Variants in ACTN1 observed in about 807,000 individuals in gnomAD.
ACTN1 encodes actinin alpha 1, also known as alpha-actinin-1.
ACTN1 carries 30 observed loss-of-function variants against 119.6 expected under a neutral mutation model. The observed-to-expected ratio is 0.25, with a 90% CI of 0.19 to 0.34. The LOEUF is 0.34. Ranked by LOEUF, ACTN1 falls within the 10% of genes least tolerant of loss-of-function variation. The probability of loss-of-function intolerance (pLI) is 1.00; values close to 1 mark genes in which losing one functional copy is unlikely to be tolerated. For synonymous variants in ACTN1, 429 were observed against 472.6 expected, an observed-to-expected ratio of 0.91 and a Z score of 1.20; for missense variants, 764 against 1,223.4, an observed-to-expected ratio of 0.62 and a Z score of 5.60.
chr14:68,978,921 G>GGGGCTGGGGGCTGC, intron 1 of ACTN1, 31 bp downstream of exon 1: 2 of 1,457,818 alleles, frequency 1.4e-6, no homozygotes, highest in Non-Finnish European at 1.9e-6. Flanking sequence ...CTGGGGGCTG[G>GGGGCTGGGGGCTGC]GGGCTGCAGC....
chr14:68,914,063 A>T (rs1449663397), intron 3 of ACTN1, among the ~76,000 whole-genome samples: 1 of 151,988 alleles, frequency 6.6e-6, no homozygotes, highest in Non-Finnish European at 1.5e-5. Flanking sequence ...TCTCTACAAA[A>T]ATACAAAAAT....
chr14:68,891,253 T>C (rs1305007604), intron 10 of ACTN1, among the ~76,000 whole-genome samples: 2 of 152,192 alleles, frequency 1.3e-5, no homozygotes, highest in Non-Finnish European at 2.9e-5. Context: ...TTTTCTTCTG[T>C]GTGTTTCTCT....
intron 1 of ACTN1, among the ~76,000 whole-genome samples, chr14:68,950,931 T>C (rs545711986): frequency 6.6e-6 from 1 of 152,254 alleles, no homozygotes; most frequent in South Asian, 2.1e-4. Context: ...ACATTTCAAA[T>C]TGTGATTCAG....
chr14:68,971,463 C>T (rs375367898), intron 1 of ACTN1, among the ~76,000 whole-genome samples: 1 of 152,196 alleles, frequency 6.6e-6, no homozygotes, highest in East Asian at 1.9e-4. Flanking sequence ...GTACCTTGGG[C>T]TTGTGAAATG....
At chr14:68,900,875 G>A (rs546611369) in intron 8 of ACTN1, 34 of 152,598 alleles carry the variant, frequency 2.2e-4, no homozygotes, top group South Asian at 4.1e-4. Context: ...CTGCACACCC[G>A]AGAAGGCGTG....
chr14:68,903,843 T>C (rs1472537885), intron 7 of ACTN1, among the ~76,000 whole-genome samples: 1 of 151,468 alleles, frequency 6.6e-6, no homozygotes, highest in Non-Finnish European at 1.5e-5. Context: ...TCCGAGACGC[T>C]CTACACAGGG....
chr14:68,924,192 G>C (rs544771742), intron 2 of ACTN1, among the ~76,000 whole-genome samples: 1 of 152,210 alleles, frequency 6.6e-6, no homozygotes, highest in Non-Finnish European at 1.5e-5. Flanking sequence ...GTGGACGGTG[G>C]CGATGGCTGC....
chr14:68,930,312 GAAT>G (rs2140421355), intron 1 of ACTN1, among the ~76,000 whole-genome samples: 1 of 152,294 alleles, frequency 6.6e-6, no homozygotes, highest in South Asian at 2.1e-4. Context: ...TAATTTATGT[GAAT>G]AATGACAATA....
chr14:68,957,313 A>G (rs1375963603), intron 1 of ACTN1, among the ~76,000 whole-genome samples: 1 of 152,136 alleles, frequency 6.6e-6, no homozygotes, highest in African/African-American at 2.4e-5. Context: ...CCCAAGAGAC[A>G]CCTGTGACCT....
intron 1 of ACTN1, among the ~76,000 whole-genome samples, chr14:68,950,111 T>C (rs1056332909): frequency 5.9e-5 from 9 of 151,982 alleles, no homozygotes; most frequent in Non-Finnish European, 8.8e-5. Flanking sequence ...CTAGCCAACA[T>C]AATGAAACCC....
chr14:68,974,008 C>A (rs2036980648), intron 1 of ACTN1: 1 of 152,274 alleles, frequency 6.6e-6, no homozygotes, highest in South Asian at 2.1e-4. Flanking sequence ...GCCCCTCTAG[C>A]AGAGACATGG....
At chr14:68,912,828 C>T (rs1050335337) in intron 3 of ACTN1, among the ~76,000 whole-genome samples, 1 of 152,170 alleles carries the variant, frequency 6.6e-6, no homozygotes, top group Admixed American at 6.5e-5. Context: ...AAATCCTGAT[C>T]TGTGTTCCCA....
chr14:68,926,385 C>A (rs1210406733), intron 1 of ACTN1, among the ~76,000 whole-genome samples: 25 of 152,208 alleles, frequency 1.6e-4, no homozygotes, highest in African/African-American at 4.8e-5. Flanking sequence ...GCAACTAAGC[C>A]ATCCTGTGCC....
At chr14:68,936,036 C>T (rs2035486570) in intron 1 of ACTN1, among the ~76,000 whole-genome samples, 1 of 152,244 alleles carries the variant, frequency 6.6e-6, no homozygotes, top group Non-Finnish European at 1.5e-5. Flanking sequence ...AGATAAGTCA[C>T]TTCAATCCCT....
At chr14:68,881,643 A>G (rs1186456507) in intron 16 of ACTN1, among the ~76,000 whole-genome samples, 1 of 152,216 alleles carries the variant, frequency 6.6e-6, no homozygotes, top group African/African-American at 2.4e-5. Context: ...TGTGAACTCA[A>G]CATGGTCTCT....
intron 3 of ACTN1, among the ~76,000 whole-genome samples, chr14:68,913,040 T>C (rs1181763209): frequency 6.6e-6 from 1 of 152,230 alleles, no homozygotes; most frequent in Non-Finnish European, 1.5e-5. Flanking sequence ...ATGCCATCAG[T>C]TTGGGTATTA....
In ACTN1 at chr14:68,932,943, G is replaced by C. The variant is rs576940825; in HGVS notation, c.106-7271C>G. Among the ~76,000 whole-genome samples, 175 of 152,202 alleles carry C rather than the reference G, an allele frequency of 1.1e-3. 2 individuals carry two copies. The highest frequency in any genetic ancestry group is 3.4e-3 in the Middle Eastern group (1 of 294). ...TATGCCACAGATCGTAATAACAGCA[G>C]CAGCTAATACGTATTGACCATTTGC... On this transcript the variant is annotated intron_variant, in intron 1 of 21. Coordinates refer to ENST00000394419, the MANE Select transcript of ACTN1 (RefSeq NM_001130004.2).
At chr14:68,976,301 G>A (rs966075073) in intron 1 of ACTN1, among the ~76,000 whole-genome samples, 3 of 151,940 alleles carry the variant, frequency 2.0e-5, no homozygotes, top group Non-Finnish European at 4.4e-5. Flanking sequence ...CCTCCCTCTG[G>A]AACCATCAGC....
At chr14:68,900,444 G>A (rs1370977752) in intron 8 of ACTN1, among the ~76,000 whole-genome samples, 2 of 151,896 alleles carry the variant, frequency 1.3e-5, no homozygotes, top group Non-Finnish European at 2.9e-5. Context: ...TCCCTGCTCT[G>A]GCTGCTGGCT....
Sources: gnomAD v4.1 joint callset for allele counts (sites outside exome capture counted in the v4.1 genomes callset) on GRCh38, gnomAD v4.1.1 for gene constraint, MANE v1.5 for transcripts, NCBI Gene and HGNC (gene_info 2026-07-23, HGNC 2026-07-21) for gene names.